LIPC: variants seen among roughly 807,000 people sequenced by gnomAD.
LIPC encodes the protein lipase C, hepatic type.
Under a neutral mutation model 50.7 loss-of-function variants are expected in LIPC, and 44 were observed. That is an observed-to-expected ratio of 0.87 (90% CI 0.68 to 1.11). The LOEUF (loss-of-function observed/expected upper bound fraction) is 1.11. Ranked by LOEUF, LIPC falls within the 50% of genes most tolerant of loss-of-function variation. The pLI is 0.00. For synonymous variants in LIPC, 271 were observed against 256.4 expected (o/e 1.06, Z -0.54); for missense variants, 697 against 648.2 (o/e 1.08, Z -0.82).
At position 58,541,918 on chromosome 15, in the gene LIPC, A is replaced by T; in HGVS notation, c.407A>T (p.Asn136Ile). The change falls in exon 3 of 9, where the codon AAC becomes ATC. Residue 136 changes from asparagine (N) to isoleucine (I), a missense_variant. Physicochemically the swap from Asn to Ile is moderately radical, Grantham distance 149. Coordinates refer to ENST00000299022, the MANE Select transcript of LIPC (RefSeq NM_000236.3). Reference sequence around the variant, plus strand: ...GACCACTACACCATCGCCGTCCGCAACACCCGCCTTGTGGGCAAGGAGGTC... The same window carrying T: ...GACCACTACACCATCGCCGTCCGCATCACCCGCCTTGTGGGCAAGGAGGTC... ...AHDHYTIAVR[N>I]TRLVGKEVAA... The T allele has an allele frequency of 1.2e-6, 2 of 1,611,940 alleles. No homozygotes were observed. Among genetic ancestry groups the T allele is most frequent in the Non-Finnish European group, 8.5e-7 (1 of 1,179,908 alleles).
intron 2 of LIPC, 121 bp downstream of exon 2, chr15:58,538,638 A>G: frequency 3.1e-6 from 3 of 962,342 alleles, no homozygotes; most frequent in Non-Finnish European, 5.0e-6. Flanking sequence ...CATAATGTTT[A>G]TGAAGCACGT....
intron 1 of LIPC, among the ~76,000 whole-genome samples, chr15:58,514,458 A>C (rs1281089731): frequency 2.0e-5 from 3 of 152,226 alleles, no homozygotes; most frequent in Non-Finnish European, 4.4e-5. Context: ...TATAGAAGAC[A>C]TTTTTAATGC....
chr15:58,517,802 A>G lies in LIPC; in HGVS notation c.89-20531A>G, dbSNP rs190404169. On this transcript the variant is annotated intron_variant, in intron 1 of 8. Coordinates refer to ENST00000299022, the MANE Select transcript of LIPC (RefSeq NM_000236.3). ...AGCATTTCAAAGAGATTCCACTGAC[A>G]TTCTCACTTGTGATTCTGACAACAA... 4.6e-3 allele frequency among the ~76,000 whole-genome samples: 702 copies of G among 152,358 alleles called. 6 individuals carry two copies. The highest frequency in any genetic ancestry group is 0.016 in the African/African-American group (675 of 41,584).
intron 1 of LIPC, among the ~76,000 whole-genome samples, chr15:58,501,766 A>G (rs1482952066): frequency 6.6e-6 from 1 of 151,964 alleles, no homozygotes; most frequent in Admixed American, 6.6e-5. Flanking sequence ...AGCAAACCCA[A>G]ATTTCTTTCT....
At chr15:58,484,138 G>T (rs1891285389) in intron 1 of LIPC, among the ~76,000 whole-genome samples, 1 of 152,164 alleles carries the variant, frequency 6.6e-6, no homozygotes, top group African/African-American at 2.4e-5. Context: ...GGTGTGGACA[G>T]GGTCAAGCAT....
Position 58,518,041 on chromosome 15 carries a change from C to T in LIPC, c.89-20292C>T, listed in dbSNP as rs187606730. Reference sequence around the variant, plus strand: ...AGAAAAGGGAACAGCCACCAACTTCCTGTGTTGACCCTAGACCAGGACTTC... The same window carrying T: ...AGAAAAGGGAACAGCCACCAACTTCTTGTGTTGACCCTAGACCAGGACTTC... On this transcript the variant is annotated intron_variant, in intron 1 of 8. Transcript: ENST00000299022. 6.6e-3 allele frequency among the ~76,000 whole-genome samples: 999 copies of T among 152,336 alleles called. 10 individuals are homozygous for T. Among genetic ancestry groups the T allele is most frequent in the Non-Finnish European group, 8.8e-3 (597 of 68,030 alleles).
chr15:58,443,547 T>G (rs1358746594), intron 1 of LIPC, among the ~76,000 whole-genome samples: 1 of 152,200 alleles, frequency 6.6e-6, no homozygotes, highest in Non-Finnish European at 1.5e-5. Flanking sequence ...AGCTGAAGCT[T>G]TTTCCTCCAT....
intron 1 of LIPC, among the ~76,000 whole-genome samples, chr15:58,483,328 C>T (rs1229517127): frequency 6.6e-6 from 1 of 152,118 alleles, no homozygotes; most frequent in Non-Finnish European, 1.5e-5. Flanking sequence ...AGTTATGTGG[C>T]AGGTGGGGAG....
intron 4 of LIPC, among the ~76,000 whole-genome samples, chr15:58,543,633 G>T (rs1348580817): frequency 1.3e-5 from 2 of 152,110 alleles, no homozygotes; most frequent in African/African-American, 2.4e-5. Context: ...TTTATCAAGT[G>T]AGGACATTTT....
intron 1 of LIPC, among the ~76,000 whole-genome samples, chr15:58,504,128 G>A (rs1395067046): frequency 6.6e-6 from 1 of 152,172 alleles, no homozygotes; most frequent in African/African-American, 2.4e-5. Flanking sequence ...CCAGAGTGCA[G>A]GGCCACAGGG....
At chr15:58,533,311 CA>C (rs1893011701) in intron 1 of LIPC, 1 of 258,662 alleles carries the variant, frequency 3.9e-6, no homozygotes, top group East Asian at 1.8e-4. Context: ...TGAGTCAATA[CA>C]AATAAGACTG....
chr15:58,541,465 C>T (rs2140911487), intron 2 of LIPC, among the ~76,000 whole-genome samples: 1 of 144,022 alleles, frequency 6.9e-6, no homozygotes, highest in African/African-American at 2.6e-5. Context: ...AGAGGAAAAA[C>T]ATTAAGATAA....
At chr15:58,479,474 C>T (rs1891113062) in intron 1 of LIPC, among the ~76,000 whole-genome samples, 3 of 152,210 alleles carry the variant, frequency 2.0e-5, no homozygotes, top group Non-Finnish European at 4.4e-5. Flanking sequence ...TGCAATATTA[C>T]AGGCAAATGA....
chr15:58,466,011 G>A (rs1210272664), intron 1 of LIPC, among the ~76,000 whole-genome samples: 4 of 152,198 alleles, frequency 2.6e-5, no homozygotes, highest in Admixed American at 1.3e-4. Flanking sequence ...TTCTAAAATA[G>A]GAAAACTTAC....
At chr15:58,546,009 C>T (rs1893517416) in intron 5 of LIPC, 34 bp downstream of exon 5, 1 of 1,533,752 alleles carries the variant, frequency 6.5e-7, no homozygotes, top group East Asian at 2.2e-5. Flanking sequence ...GAGCACCGGC[C>T]TACATTTCAA....
intron 3 of LIPC, among the ~76,000 whole-genome samples, chr15:58,542,191 C>T (rs1595935493): frequency 1.3e-5 from 2 of 152,174 alleles, no homozygotes; most frequent in South Asian, 2.1e-4. Flanking sequence ...TCTCCTCATC[C>T]ACTATTCCTC....
chr15:58,532,852 G>C (rs539426774), intron 1 of LIPC, among the ~76,000 whole-genome samples: 1 of 152,262 alleles, frequency 6.6e-6, no homozygotes, highest in East Asian at 1.9e-4. Flanking sequence ...TGAAATATCA[G>C]GAACCCTCAA....
intron 1 of LIPC, chr15:58,533,133 A>T (rs16940451): frequency 1.5e-5 from 15 of 983,944 alleles, no homozygotes; most frequent in Non-Finnish European, 1.8e-5. Flanking sequence ...CCAGATTCTT[A>T]TCACTGGTGT....
intron 1 of LIPC, among the ~76,000 whole-genome samples, chr15:58,456,677 C>T (rs1227458514): frequency 6.6e-6 from 1 of 152,238 alleles, no homozygotes; most frequent in Non-Finnish European, 1.5e-5. Flanking sequence ...GGGATCTGCC[C>T]GCTACCTCAT....
Sources: gnomAD v4.1 joint callset for allele counts (sites outside exome capture counted in the v4.1 genomes callset) on GRCh38, gnomAD v4.1.1 for gene constraint, MANE v1.5 for transcripts, NCBI Gene and HGNC (gene_info 2026-07-23, HGNC 2026-07-21) for gene names.